SPDYE6: variants seen among roughly 807,000 people sequenced by gnomAD.
The protein encoded by SPDYE6 is speedy/RINGO cell cycle regulator family member E6, also known as speedy protein E6.
For synonymous variants in SPDYE6, 2 were observed against 103.0 expected (o/e 0.02, Z 5.94); for missense variants, 8 against 297.9 (o/e 0.03, Z 7.16).
chr7:102,346,229 T>C lies in SPDYE6; in HGVS notation c.*1038A>G, dbSNP rs1554562030. Among the ~76,000 whole-genome samples the C allele has an allele frequency of 9.3e-6, 1 of 107,626 alleles. No homozygotes were observed. Among genetic ancestry groups the C allele is most frequent in the African/African-American group, 3.7e-5 (1 of 27,146 alleles). 70.6% of individuals were successfully genotyped at this position (107,626 alleles called of 152,430 possible). ...TTTCCAAAATATTTAAAATAATATT[T>C]AATGTAAAAATAATATTTAAATAAA... On this transcript the variant is annotated 3_prime_UTR_variant, in exon 8 of 8. Transcript: ENST00000563237.
rs1289384281 is a variant in SPDYE6, at chr7:102,346,343, T to C, written c.*924A>G. On this transcript the variant is annotated 3_prime_UTR_variant, in exon 8 of 8. Transcript: ENST00000563237. Reference sequence around the variant, plus strand: ...TTTCAAAATAAACCAATAAAATAGATAGTATATATTAGACGTGTTAGTATA... The same window carrying C: ...TTTCAAAATAAACCAATAAAATAGACAGTATATATTAGACGTGTTAGTATA... Among the ~76,000 whole-genome samples, 1 of 148,182 alleles carries C rather than the reference T, an allele frequency of 6.7e-6. No homozygotes were observed. Among genetic ancestry groups the C allele is most frequent in the African/African-American group, 2.4e-5 (1 of 40,970 alleles).
chr7:102,347,123 G>A lies in SPDYE6; in HGVS notation c.*144C>T, dbSNP rs1794510244. The A allele has an allele frequency of 1.5e-6, 2 of 1,329,010 alleles. No individual in the cohort carries two copies. The highest frequency in any genetic ancestry group is 3.0e-5 in the African/African-American group (2 of 65,704). The allele number at this position is 1,329,010 out of a possible 1,614,324, so 82.3% of individuals were successfully genotyped here. ...AAGAATGGTCCAGGTTCTTCTAGATGATCTGCACAAATGGTTCCTCTCCTC... is the reference window on the plus strand; with the variant it reads ...AAGAATGGTCCAGGTTCTTCTAGATAATCTGCACAAATGGTTCCTCTCCTC... On this transcript the variant is annotated 3_prime_UTR_variant, in exon 8 of 8. Coordinates refer to ENST00000563237, the MANE Select transcript of SPDYE6 (RefSeq NM_001146210.4).
In SPDYE6 at chr7:102,346,240, T is replaced by TAATATTTAAATAAATAAACATATTTAATA. The variant is rs1794494307; in HGVS notation, c.*1026_*1027insTATTAAATATGTTTATTTATTTAAATATT. Reference sequence around the variant, plus strand: ...TTTAAAATAATATTTAATGTAAAAATAATATTTAAATAAATAAATATATTT... The same window carrying TAATATTTAAATAAATAAACATATTTAATA: ...TTTAAAATAATATTTAATGTAAAAATAATATTTAAATAAATAAACATATTTAATAAATATTTAAATAAATAAATATATTT... On this transcript the variant is annotated 3_prime_UTR_variant, in exon 8 of 8. Coordinates refer to ENST00000563237, the MANE Select transcript of SPDYE6 (RefSeq NM_001146210.4). Among the ~76,000 whole-genome samples, 2 of 135,858 alleles carry TAATATTTAAATAAATAAACATATTTAATA rather than the reference T, an allele frequency of 1.5e-5. No homozygotes were observed. The highest frequency in any genetic ancestry group is 7.3e-5 in the Admixed American group (1 of 13,608). 89.1% of individuals were successfully genotyped at this position (135,858 alleles called of 152,430 possible).
Position 102,346,331 on chromosome 7 carries a change from C to A in SPDYE6, c.*936G>T. Among the ~76,000 whole-genome samples the A allele has an allele frequency of 6.9e-6, 1 of 144,388 alleles. No individual in the cohort carries two copies. The highest frequency in any genetic ancestry group is 1.5e-5 in the Non-Finnish European group (1 of 65,630). 94.7% of individuals were successfully genotyped at this position (144,388 alleles called of 152,430 possible). A position where few individuals can be genotyped will look rare whatever the true frequency, so the allele number is the denominator to read the frequency against. On this transcript the variant is annotated 3_prime_UTR_variant, in exon 8 of 8. Transcript: ENST00000563237. ...TATACCCATGTTTTTCAAAATAAACCAATAAAATAGATAGTATATATTAGA... is the reference window on the plus strand; with the variant it reads ...TATACCCATGTTTTTCAAAATAAACAAATAAAATAGATAGTATATATTAGA...
intron 2 of SPDYE6, among the ~76,000 whole-genome samples, chr7:102,353,600 C>T (rs1794606281): frequency 7.1e-6 from 1 of 140,724 alleles, no homozygotes; most frequent in Non-Finnish European, 1.6e-5. Context: ...CAGAACACTT[C>T]CTCATATCCT....
rs1235208670 is a variant in SPDYE6 at position 102,345,874 on chromosome 7, C to T, written c.*1393G>A. Among the ~76,000 whole-genome samples, 1 of 152,290 alleles carries T rather than the reference C, an allele frequency of 6.6e-6. No individual in the cohort carries two copies. The highest frequency in any genetic ancestry group is 2.1e-4 in the South Asian group (1 of 4,830). On this transcript the variant is annotated 3_prime_UTR_variant, in exon 8 of 8. Coordinates refer to ENST00000563237, the MANE Select transcript of SPDYE6 (RefSeq NM_001146210.4). ...CATTCTCTTTAAAGTAATATACAAACATGCCAAAACAAGGTAAAAAATTAC... is the reference window on the plus strand; with the variant it reads ...CATTCTCTTTAAAGTAATATACAAATATGCCAAAACAAGGTAAAAAATTAC...
intron 3 of SPDYE6, among the ~76,000 whole-genome samples, chr7:102,352,386 C>T (rs1286300456): frequency 4.0e-4 from 58 of 146,130 alleles, no homozygotes; most frequent in Admixed American, 9.7e-4. Context: ...AGGACCCCCT[C>T]CAGCAGACAC....
At position 102,345,982 on chromosome 7, in the gene SPDYE6, G is replaced by C. The variant is rs1411250454; in HGVS notation, c.*1285C>G. On this transcript the variant is annotated 3_prime_UTR_variant, in exon 8 of 8. Coordinates refer to ENST00000563237, the MANE Select transcript of SPDYE6 (RefSeq NM_001146210.4). The stretch of plus-strand genomic sequence containing the variant: ...AAGAATTTAGGGGAACTACTACATA[G>C]CTATAAATGTAATATATATGTTAAC... Among the ~76,000 whole-genome samples, 1 of 151,566 alleles carries C rather than the reference G, an allele frequency of 6.6e-6. No homozygotes were observed. The highest frequency in any genetic ancestry group is 1.5e-5 in the Non-Finnish European group (1 of 67,924).
chr7:102,353,591 A>G (rs1264784297), intron 2 of SPDYE6, among the ~76,000 whole-genome samples: 1 of 142,724 alleles, frequency 7.0e-6, no homozygotes, highest in Non-Finnish European at 1.5e-5. Context: ...TTCTGTCCTC[A>G]GAACACTTCC....
chr7:102,351,924 C>CAGAA (rs1278358804), intron 4 of SPDYE6, 142 bp downstream of exon 4: 1 of 258,812 alleles, frequency 3.9e-6, no homozygotes, highest in Admixed American at 7.0e-5. Flanking sequence ...CACACACACA[C>CAGAA]AAAAAAAAAA....
chr7:102,346,489 G>C lies in SPDYE6; in HGVS notation c.*778C>G, dbSNP rs1794498825. On this transcript the variant is annotated 3_prime_UTR_variant, in exon 8 of 8. Transcript: ENST00000563237. ...TTTTTCTGGTGGGGAACTACCAATAGCTATAAATAGAAGAGATTATTATGG... is the reference window on the plus strand; with the variant it reads ...TTTTTCTGGTGGGGAACTACCAATACCTATAAATAGAAGAGATTATTATGG... 6.6e-6 allele frequency among the ~76,000 whole-genome samples: 1 copy of C among 150,870 alleles called. No individual in the cohort carries two copies. Among genetic ancestry groups the C allele is most frequent in the South Asian group, 2.1e-4 (1 of 4,808 alleles).
chr7:102,353,654 TTTC>T (rs1794609564), intron 2 of SPDYE6, among the ~76,000 whole-genome samples: 2 of 149,324 alleles, frequency 1.3e-5, no homozygotes, highest in African/African-American at 2.5e-5. Context: ...TTTTTTTTTT[TTTC>T]GTTGTTGTTG....
chr7:102,346,950 A>T lies in SPDYE6; in HGVS notation c.*317T>A, dbSNP rs1794507088. ...CAGGGAGGTTGGAATTCAGCAATAT[A>T]AAAAGGGTGGTGGTGCCGCAGGAAA... On this transcript the variant is annotated 3_prime_UTR_variant, in exon 8 of 8. Coordinates refer to ENST00000563237, the MANE Select transcript of SPDYE6 (RefSeq NM_001146210.4). Among the ~76,000 whole-genome samples the T allele has an allele frequency of 1.3e-5, 2 of 151,862 alleles. No individual in the cohort carries two copies. The highest frequency in any genetic ancestry group is 2.9e-5 in the Non-Finnish European group (2 of 67,914).
In SPDYE6 at chr7:102,347,020, A is replaced by C. The variant is rs1794508226; in HGVS notation, c.*247T>G. Among the ~76,000 whole-genome samples the C allele has an allele frequency of 3.4e-5, 5 of 146,620 alleles. No individual in the cohort carries two copies. The highest frequency in any genetic ancestry group is 2.2e-4 in the South Asian group (1 of 4,542). On this transcript the variant is annotated 3_prime_UTR_variant, in exon 8 of 8. Coordinates refer to ENST00000563237, the MANE Select transcript of SPDYE6 (RefSeq NM_001146210.4). ...CCTGGTTTCTTACTTTTCTCCAAGG[A>C]CTCCTAGAAGGACCCCACCCCCCTC...
At position 102,346,632 on chromosome 7, in the gene SPDYE6, AT is replaced by A. The variant is rs1317676092; in HGVS notation, c.*634del. The stretch of plus-strand genomic sequence containing the variant: ...ATTGTCTCTTAAAAATGAAAAGAAA[AT>A]TAGCTTTATGTATATATAACAACTA... On this transcript the variant is annotated 3_prime_UTR_variant, in exon 8 of 8. Transcript: ENST00000563237. 2.0e-5 allele frequency among the ~76,000 whole-genome samples: 3 copies of A among 151,348 alleles called. No homozygotes were observed. The highest frequency in any genetic ancestry group is 4.4e-5 in the Non-Finnish European group (3 of 67,756).
At position 102,348,410 on chromosome 7, in the gene SPDYE6, T is replaced by A. The variant is rs1172485777; in HGVS notation, c.1023A>T (p.Leu341Phe). ...IPLLRKHRFQ[L>F]YRSMNSRARK... is the part of the protein sequence containing the mutation. ...TGGCCCTCGAGTTCATGGAACGGTA[T>A]AACTGGAACCGATGCTTACGGAGCA... The change falls in exon 6 of 8, where the codon TTA becomes TTT. Residue 341 changes from leucine to phenylalanine, a missense_variant. Transcript: ENST00000563237. 2 of 733,886 alleles carry A rather than the reference T, an allele frequency of 2.7e-6. 1 individual carries two copies. Among genetic ancestry groups the A allele is most frequent in the Non-Finnish European group, 3.9e-6 (2 of 516,620 alleles). 45.5% of individuals were successfully genotyped at this position (733,886 alleles called of 1,614,324 possible).
chr7:102,353,982 C>T (rs1794616661), intron 2 of SPDYE6, among the ~76,000 whole-genome samples: 1 of 69,300 alleles, frequency 1.4e-5, no homozygotes, highest in Non-Finnish European at 2.9e-5. Context: ...CCATTCTTCC[C>T]ACACACCCTC....
chr7:102,346,045 C>T lies in SPDYE6; in HGVS notation c.*1222G>A, dbSNP rs1434841320. Among the ~76,000 whole-genome samples the T allele has an allele frequency of 1.3e-5, 2 of 151,382 alleles. No homozygotes were observed. The highest frequency in any genetic ancestry group is 2.9e-5 in the Non-Finnish European group (2 of 67,886). The stretch of plus-strand genomic sequence containing the variant: ...ATAAAATCCATGCTCCCTTCAGCAG[C>T]ACGTGTAATAATAGATACAAAGATT... On this transcript the variant is annotated 3_prime_UTR_variant, in exon 8 of 8. Coordinates refer to ENST00000563237, the MANE Select transcript of SPDYE6 (RefSeq NM_001146210.4).
chr7:102,352,558 C>G (rs1462327030), intron 3 of SPDYE6, among the ~76,000 whole-genome samples: 1 of 140,390 alleles, frequency 7.1e-6, no homozygotes, highest in African/African-American at 2.6e-5. Flanking sequence ...ACAGCGGAAA[C>G]CACTTTCTTT....
Sources: allele counts gnomAD v4.1 joint callset (sites outside exome capture counted in the v4.1 genomes callset), GRCh38; gene constraint gnomAD v4.1.1; transcripts MANE v1.5; gene names NCBI Gene and HGNC (gene_info 2026-07-23, HGNC 2026-07-21).